The following MOB2 variants were observed in gnomAD, a reference collection of about 807,000 sequenced individuals.
The protein encoded by MOB2 is MOB2 Mps One Binder homolog.
A neutral mutation model predicts 27.4 loss-of-function variants in MOB2; 14 were observed. The ratio of observed to expected loss-of-function variants is 0.51; its 90% confidence interval spans 0.34 to 0.80. MOB2 has a LOEUF of 0.80. Among genes scored for constraint, MOB2 ranks in the 30% least tolerant of loss-of-function variants. The pLI is 0.01. For missense variants in MOB2, 304 were observed against 354.6 expected (o/e 0.86, Z 1.15); for synonymous variants, 167 against 151.8 (o/e 1.10, Z -0.74).
At chr11:1,474,567 T>C (rs1847832207) in intron 3 of MOB2, among the ~76,000 whole-genome samples, 2 of 152,246 alleles carry the variant, frequency 1.3e-5, no homozygotes, top group Admixed American at 1.3e-4. Flanking sequence ...GACTACCCTT[T>C]CTCCCTTGAA....
In MOB2 at chr11:1,480,865, T is replaced by C. The variant is rs1475392779; in HGVS notation, c.131A>G (p.Asn44Ser). 13 of 1,561,490 alleles carry C rather than the reference T, an allele frequency of 8.3e-6. No homozygotes were observed. Among genetic ancestry groups the C allele is most frequent in the Admixed American group, 7.7e-5 (4 of 52,088 alleles). Residue 44 changes from asparagine (N) to serine (S), a missense_variant, in exon 2 of 5, where the codon AAT (asparagine) becomes AGT (serine). By Grantham distance (46) the Asn-to-Ser change is conservative. Coordinates refer to ENST00000329957, the MANE Select transcript of MOB2 (RefSeq NM_001172223.3). ...KVLRKSKAKPNGKKPAAEERK... is the reference protein window; with the variant it reads ...KVLRKSKAKPSGKKPAAEERK... ...CTCCTCCGCAGCGGGCTTCTTGCCA[T>C]TAGGCTTGGCTTTGGACTTCCTGCC...
intron 4 of MOB2, 77 bp downstream of exon 4, chr11:1,471,218 T>G: frequency 6.6e-7 from 1 of 1,520,200 alleles, no homozygotes; most frequent in Non-Finnish European, 8.9e-7. Context: ...GCACAGGAGC[T>G]TGGTCACTTG....
chr11:1,485,688 G>A lies in MOB2; in HGVS notation c.110+759C>T, dbSNP rs139775303. Among the ~76,000 whole-genome samples, 752 of 152,028 alleles carry A rather than the reference G, an allele frequency of 4.9e-3. 4 individuals are homozygous for A. Among genetic ancestry groups the A allele is most frequent in the Non-Finnish European group, 7.7e-3 (526 of 67,966 alleles). ...GACACACTCACTGCTGCAGCTGGCT[G>A]TGCCTGCCCCACTCCCCCGGCCCCT... On this transcript the variant is annotated intron_variant, in intron 1 of 4. Coordinates refer to ENST00000329957, the MANE Select transcript of MOB2 (RefSeq NM_001172223.3).
chr11:1,481,743 GAGGGGC>G lies in MOB2; in HGVS notation c.111-864_111-859del, dbSNP rs796434221. Among the ~76,000 whole-genome samples, 73 of 87,648 alleles carry G rather than the reference GAGGGGC, an allele frequency of 8.3e-4. 2 individuals are homozygous for G. The highest frequency in any genetic ancestry group is 2.5e-3 in the African/African-American group (65 of 25,712). The allele number at this position is 87,648 out of a possible 152,430, so 57.5% of individuals were successfully genotyped here. A position where few individuals can be genotyped will look rare whatever the true frequency, so the allele number is the denominator to read the frequency against. The stretch of plus-strand genomic sequence containing the variant: ...GGGCAGGGGCAGGGGCAGGGGCAGG[GAGGGGC>G]AGGGGCAGGGGCAGGGAGGGGCAGG... On this transcript the variant is annotated intron_variant, in intron 1 of 4. Coordinates refer to ENST00000329957, the MANE Select transcript of MOB2 (RefSeq NM_001172223.3).
rs377411565 is a variant in MOB2 at position 1,470,217 on chromosome 11, G to A, written c.762C>T (p.Ala254=). ...GVHSGGSGDG[A]GSGGPGAQNH... ...TCTGTGCTCCCGGGCCCCCGCTGCC[G>A]GCCCCATCCCCACTGCCCCCACTGT... Residue 254 remains alanine, a synonymous_variant, in exon 5 of 5, where the codon GCC becomes GCT. Coordinates refer to ENST00000329957, the MANE Select transcript of MOB2 (RefSeq NM_001172223.3). The A allele has an allele frequency of 4.3e-5, 69 of 1,611,844 alleles. No homozygotes were observed. Among genetic ancestry groups the A allele is most frequent in the South Asian group, 9.9e-5 (9 of 91,056 alleles).
chr11:1,471,563 T>C, intron 3 of MOB2, 144 bp from the exon 4 acceptor site: 1 of 926,136 alleles, frequency 1.1e-6, no homozygotes, highest in Non-Finnish European at 1.6e-6. Flanking sequence ...TCCCTGGACA[T>C]GCACACTGTC....
In MOB2 at chr11:1,470,497, G is replaced by A. The variant is rs2133356306; in HGVS notation, c.491-9C>T. The A allele has an allele frequency of 1.9e-6, 3 of 1,608,280 alleles. No homozygotes were observed. The highest frequency in any genetic ancestry group is 2.2e-5 in the East Asian group (1 of 44,794). ...GCTGGGGAATTCTCTGCCTGGGGAA[G>A]GCCACCGTGTCACAAGCTGCAGACA... On this transcript the variant is annotated splice_polypyrimidine_tract_variant and intron_variant, in intron 4 of 4. Transcript: ENST00000329957.
chr11:1,471,580 C>A, intron 3 of MOB2, 161 bp from the exon 4 acceptor site: 1 of 794,334 alleles, frequency 1.3e-6, no homozygotes, highest in South Asian at 1.8e-5. Context: ...TGTCCCCACA[C>A]ACTGTCTGCG....
chr11:1,483,914 C>T lies in MOB2; in HGVS notation c.110+2533G>A, dbSNP rs370944348. Among the ~76,000 whole-genome samples the T allele has an allele frequency of 2.2e-4, 34 of 152,324 alleles. No homozygotes were observed. In the East Asian group the frequency reaches 5.8e-3, roughly 26 times the overall value. ...AAAACTTAGACAACCACACAGTCAA[C>T]ACACAGGGGGTCTCACCCTGCCCAC... is the stretch of plus-strand genomic sequence containing the variant. On this transcript the variant is annotated intron_variant, in intron 1 of 4. Transcript: ENST00000329957.
Position 1,481,879 on chromosome 11 carries a change from C to T in MOB2, c.111-994G>A, listed in dbSNP as rs555152343. On this transcript the variant is annotated intron_variant, in intron 1 of 4. Coordinates refer to ENST00000329957, the MANE Select transcript of MOB2 (RefSeq NM_001172223.3). Reference sequence around the variant, plus strand: ...ACAGGTGTGGATGGGCCACATGCAGCGTGGGCACTTGGGGTCCTCACAGTA... The same window carrying T: ...ACAGGTGTGGATGGGCCACATGCAGTGTGGGCACTTGGGGTCCTCACAGTA... Among the ~76,000 whole-genome samples, 88 of 152,302 alleles carry T rather than the reference C, an allele frequency of 5.8e-4. 1 individual carries two copies. Among genetic ancestry groups the T allele is most frequent in the African/African-American group, 1.9e-3 (81 of 41,564 alleles).
Position 1,480,713 on chromosome 11 carries a change from GC to G in MOB2, c.271+11del. ...GAGGAGGGAGGGGGCCCGCCCCCAG[GC>G]CCCCGCGCACTGTTGCTGGCCAGCC... On this transcript the variant is annotated intron_variant, in intron 2 of 4. Coordinates refer to ENST00000329957, the MANE Select transcript of MOB2 (RefSeq NM_001172223.3). 6.3e-7 allele frequency: 1 copy of G among 1,599,144 alleles called. No individual in the cohort carries two copies. The highest frequency in any genetic ancestry group is 1.1e-5 in the South Asian group (1 of 88,888).
intron 3 of MOB2, among the ~76,000 whole-genome samples, chr11:1,473,633 G>A (rs1045107013): frequency 4.6e-5 from 7 of 152,222 alleles, no homozygotes; most frequent in South Asian, 2.1e-4. Flanking sequence ...TTTCCACAAT[G>A]CAAACCCAGA....
intron 3 of MOB2, among the ~76,000 whole-genome samples, chr11:1,477,111 T>G (rs1411156194): frequency 1.3e-5 from 2 of 152,190 alleles, no homozygotes; most frequent in Non-Finnish European, 2.9e-5. Context: ...TCGGGCTCCG[T>G]GCTCTCGCTG....
At chr11:1,480,121 C>T (rs1847894471) in intron 3 of MOB2, among the ~76,000 whole-genome samples, 1 of 152,244 alleles carries the variant, frequency 6.6e-6, no homozygotes. Flanking sequence ...GGCATTCCTT[C>T]TGGAAACGTC....
At chr11:1,479,331 C>T (rs1426142339) in intron 3 of MOB2, among the ~76,000 whole-genome samples, 2 of 152,158 alleles carry the variant, frequency 1.3e-5, no homozygotes, top group African/African-American at 4.8e-5. Context: ...ATGCCTGATC[C>T]ATGGAGGCCA....
At position 1,469,745 on chromosome 11, in the gene MOB2, C is replaced by G. The variant is rs1462314288; in HGVS notation, c.*427G>C. On this transcript the variant is annotated 3_prime_UTR_variant, in exon 5 of 5. Transcript: ENST00000329957. ...AGGAGGGGTGAGAGGGAAGGAGGGT[C>G]TCTGTGAAAGCAAGCCCCACCCCCA... 3 of 468,360 alleles carry G rather than the reference C, an allele frequency of 6.4e-6. No homozygotes were observed. The highest frequency in any genetic ancestry group is 3.9e-5 in the African/African-American group (2 of 50,724). The allele number at this position is 468,360 out of a possible 1,614,324, so 29.0% of individuals were successfully genotyped here.
intron 3 of MOB2, 62 bp downstream of exon 3, chr11:1,480,331 G>A (rs568972517): frequency 2.7e-5 from 39 of 1,457,192 alleles, no homozygotes; most frequent in South Asian, 2.7e-4. Context: ...CTGGGGCAGC[G>A]GGGGCTCAGA....
chr11:1,482,776 G>A (rs1847928786), intron 1 of MOB2, among the ~76,000 whole-genome samples: 1 of 152,248 alleles, frequency 6.6e-6, no homozygotes, highest in Admixed American at 6.5e-5. Flanking sequence ...AAGGTAGTAG[G>A]ACCAAGGGGA....
Position 1,486,570 on chromosome 11 carries a change from G to C in MOB2, c.-14C>G, listed in dbSNP as rs1401070247. ...GTCTCCCAGCATGAGTGGGCGACGG[G>C]AAGGTGGGGAGGAGAAGCGGGGCGG... On this transcript the variant is annotated 5_prime_UTR_variant, in exon 1 of 5. Transcript: ENST00000329957. 6.6e-7 allele frequency: 1 copy of C among 1,520,840 alleles called. No homozygotes were observed. The highest frequency in any genetic ancestry group is 1.4e-5 in the African/African-American group (1 of 72,756). The allele number at this position is 1,520,840 out of a possible 1,614,324, so 94.2% of individuals were successfully genotyped here. A position where few individuals can be genotyped will look rare whatever the true frequency, so the allele number is the denominator to read the frequency against.
Sources: gnomAD v4.1 joint callset for allele counts (sites outside exome capture counted in the v4.1 genomes callset) on GRCh38, gnomAD v4.1.1 for gene constraint, MANE v1.5 for transcripts, NCBI Gene and HGNC (gene_info 2026-07-23, HGNC 2026-07-21) for gene names.